Variants in GSE1 observed in about 807,000 individuals in gnomAD.
The protein encoded by GSE1 is Gse1 coiled-coil protein, also known as genetic suppressor element 1.
Under a neutral mutation model 112.6 loss-of-function variants are expected in GSE1, and 32 were observed. That is an observed-to-expected ratio of 0.28 (90% CI 0.21 to 0.38). The LOEUF is 0.38. GSE1 is among the 10% of genes least tolerant of loss of function. The pLI is 1.00. For synonymous variants in GSE1, 1,115 were observed against 735.6 expected, an observed-to-expected ratio of 1.52 and a Z score of -8.35; for missense variants, 2,348 against 1,699.2, an observed-to-expected ratio of 1.38 and a Z score of -6.71.
chr16:85,667,881 G>A (rs935754547), intron 13 of GSE1, among the ~76,000 whole-genome samples: 6 of 144,844 alleles, frequency 4.1e-5, no homozygotes, highest in Non-Finnish European at 9.2e-5. Context: ...GAGTCTCAGA[G>A]ATGAATTCCA....
At chr16:85,220,692 C>G (rs948227103) in intron 1 of GSE1, among the ~76,000 whole-genome samples, 8 of 152,202 alleles carry the variant, frequency 5.3e-5, no homozygotes, top group African/African-American at 1.9e-4. Flanking sequence ...CCTGGAGTCC[C>G]TGGCTTTGCC....
upstream of GSE1, among the ~76,000 whole-genome samples, chr16:85,607,362 C>A (rs2047751065): frequency 6.6e-6 from 1 of 152,238 alleles, no homozygotes; most frequent in Non-Finnish European, 1.5e-5. Flanking sequence ...TACTCCCTCT[C>A]CCGCCCGCTT....
intron 2 of GSE1, among the ~76,000 whole-genome samples, chr16:85,374,517 AGT>A (rs531840966): frequency 3.7e-5 from 4 of 108,930 alleles, no homozygotes; most frequent in Admixed American, 2.3e-4. Flanking sequence ...AATGTGTGTC[AGT>A]GTGTGCGTGT....
chr16:85,401,145 C>T lies in GSE1; in HGVS notation c.2464+43502C>T, dbSNP rs58953721. Among the ~76,000 whole-genome samples the T allele has an allele frequency of 7.3e-3, 1,113 of 152,140 alleles. 19 individuals carry two copies. Among genetic ancestry groups the T allele is most frequent in the African/African-American group, 0.024 (1,017 of 41,514 alleles). ...GAGGCCCAGCTGGGTGGGTGCGGTGCGGGGAGGGGCAATGGGGGCCCCCGC... is the reference window on the plus strand; with the variant it reads ...GAGGCCCAGCTGGGTGGGTGCGGTGTGGGGAGGGGCAATGGGGGCCCCCGC... On this transcript the variant is annotated intron_variant, in intron 2 of 2. Transcript: ENST00000637419.
intron 1 of GSE1, among the ~76,000 whole-genome samples, chr16:85,272,626 A>C (rs976225567): frequency 5.3e-5 from 8 of 151,872 alleles, no homozygotes; most frequent in Admixed American, 5.2e-4. Flanking sequence ...GTGTGCGGGG[A>C]GCCTGGGCTG....
rs553555645 is a variant in GSE1, at chr16:85,416,376, G to T, written c.2464+58733G>T. On this transcript the variant is annotated intron_variant, in intron 2 of 2. Coordinates refer to the GSE1 transcript ENST00000637419. ...TAATTCTGCTCTGTGGGGTTTCTCC[G>T]TTCAGAGCCCCCAAGTGGGAGCAAG... Among the ~76,000 whole-genome samples the T allele has an allele frequency of 5.3e-5, 8 of 152,230 alleles. No individual in the cohort carries two copies. The South Asian group carries it at 1.7e-3, about 32-fold the overall frequency.
At chr16:85,294,040 G>A (rs1459778558) in intron 1 of GSE1, among the ~76,000 whole-genome samples, 2 of 152,178 alleles carry the variant, frequency 1.3e-5, no homozygotes, top group Non-Finnish European at 2.9e-5. Context: ...CAGCAGTGAT[G>A]CCTCCTCCCC....
intron 1 of GSE1, among the ~76,000 whole-genome samples, chr16:85,353,964 A>C (rs2046901046): frequency 6.6e-6 from 1 of 152,154 alleles, no homozygotes; most frequent in African/African-American, 2.4e-5. Context: ...TCTGTTGAAC[A>C]ATCTTGTGTG....
intron 1 of GSE1, among the ~76,000 whole-genome samples, chr16:85,315,880 A>G (rs1261846748): frequency 1.3e-5 from 2 of 152,198 alleles, no homozygotes; most frequent in African/African-American, 2.4e-5. Context: ...AGGACCAAGC[A>G]AGTGTATCCG....
At chr16:85,519,333 C>G (rs2052065593) in intron 2 of GSE1, among the ~76,000 whole-genome samples, 2 of 141,802 alleles carry the variant, frequency 1.4e-5, no homozygotes. Flanking sequence ...ACCATCATCA[C>G]TTTTACCACC....
intron 2 of GSE1, among the ~76,000 whole-genome samples, chr16:85,472,922 T>G (rs2050339688): frequency 6.6e-6 from 1 of 152,180 alleles, no homozygotes; most frequent in East Asian, 1.9e-4. Context: ...CTCCTCCAAC[T>G]GAGGCTCACT....
At chr16:85,613,300 A>G, upstream of GSE1, 7 of 1,539,730 alleles carry the variant, frequency 4.5e-6, no homozygotes, top group Non-Finnish European at 6.1e-6. Flanking sequence ...GCCGCCGCCG[A>G]GCAGCCCCGG....
At chr16:85,172,109 G>A (rs910556582) in intron 1 of GSE1, among the ~76,000 whole-genome samples, 3 of 152,220 alleles carry the variant, frequency 2.0e-5, no homozygotes, top group African/African-American at 7.2e-5. Context: ...TGTGTTTGCA[G>A]TGGGATCTAT....
chr16:85,293,346 G>A (rs760801080), intron 1 of GSE1, among the ~76,000 whole-genome samples: 2 of 152,074 alleles, frequency 1.3e-5, no homozygotes. Context: ...AGGAGTTTGA[G>A]ACCAGCCTGG....
At chr16:85,331,593 G>GTGTA (rs2046363943) in intron 1 of GSE1, among the ~76,000 whole-genome samples, 1 of 50,400 alleles carries the variant, frequency 2.0e-5, no homozygotes, top group African/African-American at 9.2e-5. Context: ...GTATATATGT[G>GTGTA]TATATGTGTA....
In GSE1 at chr16:85,267,960, G is replaced by C. The variant is rs141756743; in HGVS notation, c.2284-89503G>C. On this transcript the variant is annotated intron_variant, in intron 1 of 2. Transcript: ENST00000637419. ...CATCTGGGAGATGGGGCTAATAGCA[G>C]TGCCCACTTCAGAGGGTTGTGGCCA... Among the ~76,000 whole-genome samples the C allele has an allele frequency of 3.5e-3, 538 of 152,310 alleles. 2 individuals carry two copies. The highest frequency in any genetic ancestry group is 0.012 in the African/African-American group (489 of 41,550).
chr16:85,646,278 C>T (rs896601203), intron 2 of GSE1, among the ~76,000 whole-genome samples: 1 of 152,268 alleles, frequency 6.6e-6, no homozygotes, highest in East Asian at 1.9e-4. Flanking sequence ...CTACCATGCC[C>T]CGGGCTGTAG....
upstream of GSE1, among the ~76,000 whole-genome samples, chr16:85,609,046 A>G (rs575322896): frequency 2.4e-4 from 37 of 152,320 alleles, no homozygotes; most frequent in Admixed American, 9.8e-4. Flanking sequence ...GCTCAGACTT[A>G]GTGAGGTTGT....
At chr16:85,202,726 C>T (rs1194100119) in intron 1 of GSE1, among the ~76,000 whole-genome samples, 3 of 152,338 alleles carry the variant, frequency 2.0e-5, no homozygotes, top group Admixed American at 6.5e-5. Context: ...GGAGCCAGGC[C>T]GATCGCACCC....
Sources: gnomAD v4.1 joint callset for allele counts (sites outside exome capture counted in the v4.1 genomes callset) on GRCh38, gnomAD v4.1.1 for gene constraint, MANE v1.5 for transcripts, NCBI Gene and HGNC (gene_info 2026-07-23, HGNC 2026-07-21) for gene names.